The following PHKA1 variants were observed in gnomAD, a reference collection of about 807,000 sequenced individuals.
PHKA1 encodes phosphorylase b kinase regulatory subunit alpha, skeletal muscle isoform.
A neutral mutation model predicts 110.2 loss-of-function variants in PHKA1; 60 were observed. The observed-to-expected ratio is 0.54, with a 90% CI of 0.44 to 0.68. The LOEUF is 0.68. PHKA1 is among the 30% of genes least tolerant of loss of function. The pLI, the probability that PHKA1 is intolerant of heterozygous loss-of-function variation, is 0.00. For synonymous variants in PHKA1, 316 were observed against 333.6 expected (o/e 0.95, Z 0.58); for missense variants, 801 against 942.5 (o/e 0.85, Z 1.97).
At chrX:72,696,417 C>A (rs187597289) in intron 3 of PHKA1, among the ~76,000 whole-genome samples, 4 of 111,576 alleles carry the variant, frequency 3.6e-5, no homozygotes, top group Non-Finnish European at 7.5e-5. Context: ...AAGAATTGCT[C>A]AGGGAAAATC....
chrX:72,641,890 T>C (rs1174724635), intron 14 of PHKA1, among the ~76,000 whole-genome samples: 2 of 111,709 alleles, frequency 1.8e-5, no homozygotes, highest in African/African-American at 6.5e-5. Context: ...GGCAAATCTA[T>C]CCCCTTTCTT....
intron 9 of PHKA1, 77 bp from the exon 10 acceptor site, chrX:72,656,319 G>A (rs2053496933): frequency 9.6e-7 from 1 of 1,037,179 alleles, no homozygotes; most frequent in Admixed American, 2.2e-5. Context: ...TTATAATACG[G>A]GTTTTCATTA....
intron 13 of PHKA1, among the ~76,000 whole-genome samples, chrX:72,646,448 C>T (rs782571640): frequency 9.7e-4 from 108 of 111,670 alleles, no homozygotes; most frequent in Non-Finnish European, 1.6e-3. Flanking sequence ...AAAAATGAGA[C>T]GGCTATAGAG....
chrX:72,590,817 A>C (rs1227792819), intron 29 of PHKA1, among the ~76,000 whole-genome samples: 4 of 112,759 alleles, frequency 3.5e-5, no homozygotes, highest in African/African-American at 1.3e-4. Context: ...AAAAATGCTC[A>C]TCATAACTGG....
At chrX:72,620,462 G>A (rs782305978) in intron 19 of PHKA1, among the ~76,000 whole-genome samples, 3 of 112,127 alleles carry the variant, frequency 2.7e-5, no homozygotes, top group Non-Finnish European at 5.6e-5. Context: ...AGTTGAATAT[G>A]CTCCATGTCT....
intron 14 of PHKA1, among the ~76,000 whole-genome samples, chrX:72,637,016 C>T (rs936252319): frequency 4.5e-5 from 5 of 111,682 alleles, no homozygotes; most frequent in African/African-American, 1.6e-4. Flanking sequence ...GGTTTTCCCA[C>T]TACTCCTTAC....
At chrX:72,688,131 C>T (rs60918470) in intron 4 of PHKA1, among the ~76,000 whole-genome samples, 2,214 of 111,366 alleles carry the variant, frequency 0.02, 56 homozygotes, top group African/African-American at 0.067. Flanking sequence ...CTGGCCACAT[C>T]TAAATCTTTG....
intron 8 of PHKA1, among the ~76,000 whole-genome samples, chrX:72,661,942 G>A (rs1261362073): frequency 9.0e-6 from 1 of 111,230 alleles, no homozygotes; most frequent in Non-Finnish European, 1.9e-5. Context: ...CAGGATGGCA[G>A]CATAGAGAGG....
intron 16 of PHKA1, among the ~76,000 whole-genome samples, chrX:72,633,752 C>A (rs1220135879): frequency 1.8e-5 from 2 of 111,940 alleles, no homozygotes; most frequent in African/African-American, 6.5e-5. Flanking sequence ...CATATTACTC[C>A]TTGCTCAAAA....
chrX:72,629,349 C>T (rs1412245993), intron 16 of PHKA1, among the ~76,000 whole-genome samples: 1 of 111,590 alleles, frequency 9.0e-6, no homozygotes, highest in African/African-American at 3.2e-5. Flanking sequence ...TGTATTCTTA[C>T]TTTTCTAGAA....
intron 14 of PHKA1, among the ~76,000 whole-genome samples, chrX:72,639,772 T>C (rs1256893801): frequency 3.6e-5 from 4 of 111,831 alleles, no homozygotes; most frequent in African/African-American, 1.3e-4. Context: ...TTCTTTTATC[T>C]TACATTTTCA....
At chrX:72,587,003 A>G (rs1189109703) in intron 29 of PHKA1, among the ~76,000 whole-genome samples, 3 of 111,260 alleles carry the variant, frequency 2.7e-5, no homozygotes, top group East Asian at 2.8e-4. Context: ...GGTGGAAAAC[A>G]CTCTGCAGGA....
At position 72,620,663 on chromosome X, in the gene PHKA1, G is replaced by A. The variant is rs150515019; in HGVS notation, c.2137+62C>T. Reference sequence around the variant, plus strand: ...CCTGCTTACATTGTAATCAATGCCCGCCCCTATCCTGGGCTTCACGTCATC... The same window carrying A: ...CCTGCTTACATTGTAATCAATGCCCACCCCTATCCTGGGCTTCACGTCATC... On this transcript the variant is annotated intron_variant, in intron 19 of 31. Transcript: ENST00000373542. 3.8e-4 allele frequency: 376 copies of A among 990,319 alleles called. No homozygotes were observed. The African/African-American group carries it at 6.4e-3, about 17-fold the overall frequency. The allele number at this position is 990,319 out of a possible 1,213,427, so 81.6% of individuals were successfully genotyped here.
intron 28 of PHKA1, among the ~76,000 whole-genome samples, chrX:72,596,145 C>T (rs2147665236): frequency 8.9e-6 from 1 of 111,764 alleles, no homozygotes. Context: ...CAAAATATGA[C>T]AGTGTCGATG....
intron 4 of PHKA1, among the ~76,000 whole-genome samples, chrX:72,688,648 C>T (rs2053997332): frequency 8.9e-6 from 1 of 112,169 alleles, no homozygotes; most frequent in African/African-American, 3.2e-5. Flanking sequence ...ATCATTGATT[C>T]TCCTATTTTG....
At chrX:72,605,110 C>T (rs1304877204) in intron 25 of PHKA1, among the ~76,000 whole-genome samples, 161 bp downstream of exon 25, 1 of 112,238 alleles carries the variant, frequency 8.9e-6, no homozygotes, top group African/African-American at 3.2e-5. Flanking sequence ...ATATCAGCTC[C>T]TTGACTTGCA....
intron 3 of PHKA1, among the ~76,000 whole-genome samples, chrX:72,704,848 C>T (rs1295837286): frequency 8.9e-6 from 1 of 112,050 alleles, no homozygotes; most frequent in Admixed American, 9.4e-5. Flanking sequence ...GCCTTGGCCT[C>T]CCAGAATGCC....
chrX:72,599,987 T>G (rs1396687623), intron 28 of PHKA1: 11 of 359,345 alleles, frequency 3.1e-5, no homozygotes, highest in Non-Finnish European at 5.0e-5. Flanking sequence ...AGTCAGCACA[T>G]AATCATTAAA....
rs1160261512 is a variant in PHKA1 at position 72,621,453 on chromosome X, C to G, written c.1961-552G>C. On this transcript the variant is annotated intron_variant, in intron 18 of 31. Coordinates refer to ENST00000373542, the MANE Select transcript of PHKA1 (RefSeq NM_002637.4). ...GTCCCTATCTTCTTGGGCTCCCCTT[C>G]TCCCATATACCTTCTATAACATTAT... 2.7e-5 allele frequency among the ~76,000 whole-genome samples: 3 copies of G among 111,875 alleles called. No homozygotes were observed. In the Admixed American group the frequency reaches 2.8e-4, roughly 11 times the overall value.
Sources: gnomAD v4.1 joint callset for allele counts (sites outside exome capture counted in the v4.1 genomes callset) on GRCh38, gnomAD v4.1.1 for gene constraint, MANE v1.5 for transcripts, NCBI Gene and HGNC (gene_info 2026-07-23, HGNC 2026-07-21) for gene names.